GFM1: variants seen among roughly 807,000 people sequenced by gnomAD.
The protein encoded by GFM1 is elongation factor G, mitochondrial.
A neutral mutation model predicts 96.2 loss-of-function variants in GFM1; 62 were observed. That is an observed-to-expected ratio of 0.64 (90% CI 0.53 to 0.80). The LOEUF (loss-of-function observed/expected upper bound fraction) is 0.80. GFM1 is among the 30% of genes least tolerant of loss of function. The pLI is 0.00. For synonymous variants in GFM1, 282 were observed against 312.9 expected (o/e 0.90, Z 1.04); for missense variants, 852 against 916.6 (o/e 0.93, Z 0.91).
At chr3:158,681,127 T>C (rs766788085) in intron 13 of GFM1, among the ~76,000 whole-genome samples, 12 of 152,180 alleles carry the variant, frequency 7.9e-5, no homozygotes, top group Non-Finnish European at 1.5e-4. Flanking sequence ...CAGGCAAATA[T>C]TGATATTTGC....
At chr3:158,666,771 G>T (rs372506099) in intron 13 of GFM1, 1 of 1,586,528 alleles carries the variant, frequency 6.3e-7, no homozygotes, top group Non-Finnish European at 8.6e-7. Flanking sequence ...TTAATGCCAT[G>T]ATAAAATTCA....
chr3:158,691,727 T>G lies in GFM1; in HGVS notation c.*260T>G, dbSNP rs950912360. On this transcript the variant is annotated 3_prime_UTR_variant, in exon 18 of 18. Coordinates refer to ENST00000486715, the MANE Select transcript of GFM1 (RefSeq NM_024996.7). Reference sequence around the variant, plus strand: ...TCCTCAAATAAAATATAATTATTACTGAAATATGTTTAATATTTAAGGGGA... The same window carrying G: ...TCCTCAAATAAAATATAATTATTACGGAAATATGTTTAATATTTAAGGGGA... 9 of 332,240 alleles carry G rather than the reference T, an allele frequency of 2.7e-5. No homozygotes were observed. Among genetic ancestry groups the G allele is most frequent in the African/African-American group, 1.9e-4 (9 of 46,326 alleles). The allele number at this position is 332,240 out of a possible 1,614,324, so 20.6% of individuals were successfully genotyped here. A position where few individuals can be genotyped will look rare whatever the true frequency, so the allele number is the denominator to read the frequency against.
intron 13 of GFM1, chr3:158,666,890 C>T: frequency 2.7e-6 from 4 of 1,469,336 alleles, no homozygotes; most frequent in Non-Finnish European, 2.8e-6. Context: ...ATACTTAAAT[C>T]TGGTGCCTAT....
Position 158,676,094 on chromosome 3 carries a change from G to A in GFM1, c.1602-5901G>A, listed in dbSNP as rs979727269. Among the ~76,000 whole-genome samples, 4 of 152,110 alleles carry A rather than the reference G, an allele frequency of 2.6e-5. No individual in the cohort carries two copies. In the South Asian group the frequency reaches 6.2e-4, roughly 24 times the overall value. On this transcript the variant is annotated intron_variant, in intron 13 of 17. Transcript: ENST00000486715. ...TTGAGACTAGTCTGAGCAACATGGC[G>A]AAGCCCTGTCTGTAAACTACACAAA... is the stretch of plus-strand genomic sequence containing the variant.
chr3:158,656,439 C>T (rs1026471800), intron 8 of GFM1: 1 of 153,536 alleles, frequency 6.5e-6, no homozygotes, highest in Non-Finnish European at 1.4e-5. Context: ...AGGCATGAGC[C>T]ACCGCACCCG....
chr3:158,689,524 C>T (rs1726130124), intron 15 of GFM1, among the ~76,000 whole-genome samples: 1 of 152,008 alleles, frequency 6.6e-6, no homozygotes, highest in South Asian at 2.1e-4. Flanking sequence ...AAATTATTTT[C>T]TTATAATTAA....
chr3:158,688,330 G>C (rs1006547769), intron 15 of GFM1, among the ~76,000 whole-genome samples: 2 of 152,170 alleles, frequency 1.3e-5, no homozygotes, highest in Admixed American at 6.6e-5. Flanking sequence ...ATTAGAGGAA[G>C]GCATGTGTAA....
chr3:158,656,093 A>C, intron 8 of GFM1: 1 of 328,144 alleles, frequency 3.0e-6, no homozygotes, highest in South Asian at 2.6e-5. Context: ...TATTCTTGTC[A>C]CATCATATCC....
chr3:158,658,882 C>A, intron 8 of GFM1, 40 bp from the exon 9 acceptor site: 2 of 1,610,268 alleles, frequency 1.2e-6, no homozygotes, highest in Non-Finnish European at 1.7e-6. Context: ...TATTATGTTT[C>A]TTTTTATTCT....
intron 12 of GFM1, among the ~76,000 whole-genome samples, chr3:158,665,687 A>G (rs552072707): frequency 6.6e-6 from 1 of 152,196 alleles, no homozygotes; most frequent in Non-Finnish European, 1.5e-5. Context: ...AACGTTCTGG[A>G]CTCCTAGAAT....
intron 13 of GFM1, chr3:158,667,121 G>A: frequency 6.7e-7 from 1 of 1,491,972 alleles, no homozygotes; most frequent in South Asian, 1.3e-5. Flanking sequence ...AATATCTTTG[G>A]CAAAAATTAC....
At chr3:158,666,827 T>G in intron 13 of GFM1, 1 of 1,441,394 alleles carries the variant, frequency 6.9e-7, no homozygotes, top group Non-Finnish European at 9.6e-7. Context: ...TTGTTAGAGA[T>G]AAAACAGTCT....
At chr3:158,674,481 G>T (rs1338802765) in intron 13 of GFM1, among the ~76,000 whole-genome samples, 2 of 152,110 alleles carry the variant, frequency 1.3e-5, no homozygotes, top group Admixed American at 6.5e-5. Flanking sequence ...ACTGTCTCCT[G>T]GGATAAATTT....
At chr3:158,670,991 T>C (rs8455) in intron 13 of GFM1, 806,376 of 1,522,880 alleles carry the variant, frequency 0.53, 217,212 homozygotes, top group African/African-American at 0.71. Context: ...AAATTTAAGG[T>C]GATACTTATG....
At chr3:158,655,289 G>T (rs1015491066) in intron 8 of GFM1, among the ~76,000 whole-genome samples, 3 of 152,156 alleles carry the variant, frequency 2.0e-5, no homozygotes, top group Middle Eastern at 6.8e-3. Flanking sequence ...TTCGAGACCA[G>T]CCTAGCCAAC....
chr3:158,682,223 A>G, intron 14 of GFM1, 66 bp downstream of exon 14: 2 of 1,314,300 alleles, frequency 1.5e-6, no homozygotes, highest in Non-Finnish European at 1.1e-6. Flanking sequence ...GTATTAAATC[A>G]TACTTTGTCT....
In GFM1 at chr3:158,676,947, G is replaced by A. The variant is rs181172282; in HGVS notation, c.1602-5048G>A. On this transcript the variant is annotated intron_variant, in intron 13 of 17. Coordinates refer to ENST00000486715, the MANE Select transcript of GFM1 (RefSeq NM_024996.7). ...ACTCCTGACCTCAAGTGATCCACCC[G>A]CCTCGGCTTCCCAAAGTGCTGGGAT... Among the ~76,000 whole-genome samples, 83 of 152,186 alleles carry A rather than the reference G, an allele frequency of 5.5e-4. No individual in the cohort carries two copies. In the South Asian group the frequency reaches 0.012, roughly 22 times the overall value.
Position 158,691,356 on chromosome 3 carries a change from G to T in GFM1, c.2145G>T (p.Met715Ile), listed in dbSNP as rs1369317402. Residue 715 changes from methionine (M) to isoleucine (I), a missense_variant, in exon 18 of 18, where the codon ATG (methionine) becomes ATT (isoleucine). Met to Ile is a conservative substitution (Grantham distance 10). Transcript: ENST00000486715. ...CCTAGGGAAAGGGAGAATACACAATGGAGTATAGCAGGTATCAGCCATGTT... is the reference window on the plus strand; with the variant it reads ...CCTAGGGAAAGGGAGAATACACAATTGAGTATAGCAGGTATCAGCCATGTT... ...SCTEGKGEYT[M>I]EYSRYQPCLP... The T allele has an allele frequency of 6.2e-7, 1 of 1,613,584 alleles. No individual in the cohort carries two copies. The highest frequency in any genetic ancestry group is 8.5e-7 in the Non-Finnish European group (1 of 1,179,814).
chr3:158,677,084 C>T (rs1371880659), intron 13 of GFM1, among the ~76,000 whole-genome samples: 4 of 152,132 alleles, frequency 2.6e-5, no homozygotes, highest in Admixed American at 1.3e-4. Flanking sequence ...CAAACTTTTT[C>T]ATTATTATTA....
Sources: allele counts gnomAD v4.1 joint callset (sites outside exome capture counted in the v4.1 genomes callset), GRCh38; gene constraint gnomAD v4.1.1; transcripts MANE v1.5; gene names NCBI Gene and HGNC (gene_info 2026-07-23, HGNC 2026-07-21).